The following PARD3 variants were observed in gnomAD, a reference collection of about 807,000 sequenced individuals.
The protein encoded by PARD3 is par-3 family cell polarity regulator.
In PARD3, 75 loss-of-function variants were observed where a neutral mutation model predicts 155.4. The observed-to-expected ratio is 0.48, with a 90% CI of 0.40 to 0.58. PARD3 has a LOEUF of 0.58. Among genes scored for constraint, PARD3 ranks in the 20% least tolerant of loss-of-function variants. The pLI is 0.00. For missense variants in PARD3, 1,642 were observed against 1,721.7 expected (o/e 0.95, Z 0.82); for synonymous variants, 576 against 610.5 (o/e 0.94, Z 0.83).
intron 22 of PARD3, among the ~76,000 whole-genome samples, chr10:34,192,356 C>T (rs905390491): frequency 6.6e-6 from 1 of 152,272 alleles, no homozygotes; most frequent in African/African-American, 2.4e-5. Context: ...CCTTGGCCTC[C>T]CAAAGTGCTG....
intron 23 of PARD3, among the ~76,000 whole-genome samples, chr10:34,129,852 T>G (rs2132761652): frequency 7.2e-6 from 1 of 139,122 alleles, no homozygotes; most frequent in Admixed American, 7.1e-5. Context: ...TTTTTTTTTG[T>G]AGAGATGGGG....
At chr10:34,178,964 G>A (rs1251152695) in intron 22 of PARD3, among the ~76,000 whole-genome samples, 3 of 152,056 alleles carry the variant, frequency 2.0e-5, no homozygotes, top group East Asian at 1.9e-4. Flanking sequence ...CATGGCTGAC[G>A]GCCTCTGCAA....
At chr10:34,808,651 A>C (rs1043613233) in intron 1 of PARD3, among the ~76,000 whole-genome samples, 1 of 152,140 alleles carries the variant, frequency 6.6e-6, no homozygotes, top group Non-Finnish European at 1.5e-5. Flanking sequence ...CTTGATAAAA[A>C]ATACCGAGGG....
chr10:34,637,515 T>C (rs2092523120), intron 2 of PARD3, among the ~76,000 whole-genome samples: 1 of 152,200 alleles, frequency 6.6e-6, no homozygotes, highest in Admixed American at 6.5e-5. Flanking sequence ...ATTTCCCGGA[T>C]CGTGCATTTG....
intron 1 of PARD3, among the ~76,000 whole-genome samples, chr10:34,775,461 G>C (rs1256551408): frequency 3.3e-5 from 5 of 152,068 alleles, no homozygotes; most frequent in African/African-American, 1.2e-4. Context: ...AGTGAGCTGT[G>C]ATGCACAACT....
intron 22 of PARD3, among the ~76,000 whole-genome samples, chr10:34,223,208 G>A (rs1952404744): frequency 1.3e-5 from 2 of 152,150 alleles, no homozygotes; most frequent in Non-Finnish European, 2.9e-5. Context: ...CCACCAGGCA[G>A]GGTTGGAGGA....
intron 2 of PARD3, among the ~76,000 whole-genome samples, chr10:34,612,289 A>T (rs1426255535): frequency 1.3e-5 from 2 of 152,196 alleles, no homozygotes; most frequent in Non-Finnish European, 2.9e-5. Context: ...AATAATAATT[A>T]AAAACAATTT....
In PARD3 at chr10:34,250,463, C is replaced by A. The variant is rs550454624; in HGVS notation, c.3419+19194G>T. 7.2e-5 allele frequency among the ~76,000 whole-genome samples: 11 copies of A among 152,244 alleles called. No individual in the cohort carries two copies. In the East Asian group the frequency reaches 2.1e-3, roughly 29 times the overall value. On this transcript the variant is annotated intron_variant, in intron 22 of 24. Transcript: ENST00000374788. ...TCAGCAACCTTTAAATCATACCTAG[C>A]TAATTAAAACAACTCAAATGCATTC... is the stretch of plus-strand genomic sequence containing the variant.
At chr10:34,171,410 G>A (rs552716730) in intron 22 of PARD3, among the ~76,000 whole-genome samples, 4 of 152,182 alleles carry the variant, frequency 2.6e-5, no homozygotes, top group South Asian at 4.2e-4. Flanking sequence ...AAATATGGAC[G>A]AGATCTCTGC....
intron 1 of PARD3, among the ~76,000 whole-genome samples, chr10:34,766,902 C>T (rs969898335): frequency 6.6e-5 from 10 of 152,106 alleles, no homozygotes; most frequent in Admixed American, 5.2e-4. Context: ...TGGAAGAAAC[C>T]AGCAACTGAG....
chr10:34,175,907 A>T (rs1950011397), intron 22 of PARD3, among the ~76,000 whole-genome samples: 1 of 152,244 alleles, frequency 6.6e-6, no homozygotes, highest in Admixed American at 6.5e-5. Flanking sequence ...TACCTGCATC[A>T]TACTCATAAC....
At chr10:34,706,826 G>C (rs1208485914) in intron 1 of PARD3, among the ~76,000 whole-genome samples, 1 of 151,964 alleles carries the variant, frequency 6.6e-6, no homozygotes, top group Non-Finnish European at 1.5e-5. Context: ...TAATAAAAAG[G>C]GCCAGGTGTT....
intron 22 of PARD3, among the ~76,000 whole-genome samples, chr10:34,211,880 T>TC (rs138555223): frequency 0.028 from 4,192 of 152,196 alleles, 89 homozygotes; most frequent in Non-Finnish European, 0.041. Context: ...ATCTCCACCT[T>TC]CCCAGGGTTA....
intron 1 of PARD3, among the ~76,000 whole-genome samples, chr10:34,812,969 T>C (rs2134444210): frequency 6.6e-6 from 1 of 152,248 alleles, no homozygotes; most frequent in Admixed American, 6.5e-5. Context: ...GGCCACCTCT[T>C]CTCCCCATGT....
chr10:34,665,075 C>G (rs777608075), intron 2 of PARD3, among the ~76,000 whole-genome samples: 5 of 151,878 alleles, frequency 3.3e-5, no homozygotes, highest in Non-Finnish European at 5.9e-5. Flanking sequence ...ATAAGTAAAA[C>G]CACAATTACA....
intron 1 of PARD3, among the ~76,000 whole-genome samples, chr10:34,723,250 A>AGG (rs1356372312): frequency 7.9e-5 from 12 of 152,174 alleles, no homozygotes. Flanking sequence ...AGGCTGCGGC[A>AGG]GGAGAACCTA....
intron 16 of PARD3, among the ~76,000 whole-genome samples, chr10:34,341,239 C>A (rs1836795303): frequency 6.7e-6 from 1 of 149,050 alleles, no homozygotes. Flanking sequence ...TAGAACACAT[C>A]AACTCTTAGT....
chr10:34,128,812 C>T (rs117417751), intron 23 of PARD3, among the ~76,000 whole-genome samples: 86 of 152,252 alleles, frequency 5.6e-4, no homozygotes, highest in Non-Finnish European at 1.1e-3. Flanking sequence ...CCTCAGAGAT[C>T]GTCTAGACTT....
At chr10:34,612,058 C>T (rs1218721814) in intron 2 of PARD3, among the ~76,000 whole-genome samples, 1 of 151,810 alleles carries the variant, frequency 6.6e-6, no homozygotes, top group Non-Finnish European at 1.5e-5. Flanking sequence ...GATCCCCTCA[C>T]CTCGTGATCC....
Sources: allele counts gnomAD v4.1 joint callset (sites outside exome capture counted in the v4.1 genomes callset), GRCh38; gene constraint gnomAD v4.1.1; transcripts MANE v1.5; gene names NCBI Gene and HGNC (gene_info 2026-07-23, HGNC 2026-07-21).